Variants in ARL15 observed in about 807,000 individuals in gnomAD.
ARL15 encodes ARF like GTPase 15.
In ARL15, 19 loss-of-function variants were observed where a neutral mutation model predicts 25.2. The ratio of observed to expected loss-of-function variants is 0.75; its 90% CI spans 0.53 to 1.10. The LOEUF (loss-of-function observed/expected upper bound fraction) is 1.10, where lower values mean the gene tolerates loss of function less well. ARL15 is among the 50% of genes least tolerant of loss of function. ARL15 has a pLI of 0.00. For synonymous variants in ARL15, 94 were observed against 86.8 expected, an observed-to-expected ratio of 1.08 and a Z score of -0.46; for missense variants, 220 against 246.0, an observed-to-expected ratio of 0.89 and a Z score of 0.71.
At chr5:54,249,680 A>G (rs1757189821) in intron 1 of ARL15, among the ~76,000 whole-genome samples, 1 of 152,022 alleles carries the variant, frequency 6.6e-6, no homozygotes, top group African/African-American at 2.4e-5. Flanking sequence ...AGCAAAAAAA[A>G]AAAAAAAAAA....
chr5:53,925,527 G>A (rs984174133), intron 4 of ARL15, among the ~76,000 whole-genome samples: 4 of 152,194 alleles, frequency 2.6e-5, no homozygotes, highest in African/African-American at 9.6e-5. Context: ...TTGGGGCAGG[G>A]CACAGTGGCT....
At chr5:54,073,892 T>A (rs567985114) in intron 4 of ARL15, among the ~76,000 whole-genome samples, 2 of 152,306 alleles carry the variant, frequency 1.3e-5, no homozygotes, top group African/African-American at 4.8e-5. Context: ...TGCTTCCTAG[T>A]TTTTCTAGCA....
intron 1 of ARL15, among the ~76,000 whole-genome samples, chr5:54,281,570 T>C (rs1758064396): frequency 1.3e-5 from 2 of 152,212 alleles, no homozygotes; most frequent in South Asian, 2.1e-4. Flanking sequence ...ACCCATAAGA[T>C]GACAGTAGCA....
At chr5:54,114,552 A>G (rs1169928603) in intron 3 of ARL15, among the ~76,000 whole-genome samples, 1 of 152,134 alleles carries the variant, frequency 6.6e-6, no homozygotes, top group Admixed American at 6.6e-5. Flanking sequence ...GGAATGAGGG[A>G]GTAAAATTAT....
At chr5:54,270,995 A>G (rs1757770840) in intron 1 of ARL15, among the ~76,000 whole-genome samples, 1 of 152,176 alleles carries the variant, frequency 6.6e-6, no homozygotes. Flanking sequence ...CAGGATCTGG[A>G]ATACACTCAT....
intron 3 of ARL15, among the ~76,000 whole-genome samples, chr5:54,144,200 AAT>A (rs1392440245): frequency 6.6e-6 from 1 of 151,344 alleles, no homozygotes; most frequent in East Asian, 1.9e-4. Context: ...ATTACATCTA[AAT>A]ATTTTTTTTT....
chr5:54,297,636 G>A (rs1307171398), intron 1 of ARL15, among the ~76,000 whole-genome samples: 1 of 152,116 alleles, frequency 6.6e-6, no homozygotes, highest in Non-Finnish European at 1.5e-5. Flanking sequence ...CCTCCCCTTG[G>A]AGAGTCTACC....
chr5:53,917,208 G>A (rs1209701233), intron 4 of ARL15, among the ~76,000 whole-genome samples: 2 of 152,170 alleles, frequency 1.3e-5, no homozygotes, highest in Non-Finnish European at 2.9e-5. Context: ...TTATTTGAGA[G>A]CTGCAACTCA....
chr5:54,302,138 G>C (rs1758630458), intron 1 of ARL15, among the ~76,000 whole-genome samples: 1 of 152,164 alleles, frequency 6.6e-6, no homozygotes, highest in Admixed American at 6.5e-5. Context: ...AGTTCCCAGA[G>C]GGCCTCTCAC....
intron 4 of ARL15, among the ~76,000 whole-genome samples, chr5:54,001,104 T>C (rs1748837689): frequency 6.6e-6 from 1 of 152,210 alleles, no homozygotes; most frequent in African/African-American, 2.4e-5. Flanking sequence ...CTTTGAACAA[T>C]GGAATTTTTG....
chr5:54,128,394 A>T (rs563136406), intron 3 of ARL15, among the ~76,000 whole-genome samples: 4 of 152,176 alleles, frequency 2.6e-5, no homozygotes, highest in African/African-American at 9.7e-5. Flanking sequence ...TGGATATTTT[A>T]GGTAGCTAAT....
intron 4 of ARL15, among the ~76,000 whole-genome samples, chr5:53,933,272 G>A (rs1746250687): frequency 6.6e-6 from 1 of 152,102 alleles, no homozygotes; most frequent in South Asian, 2.1e-4. Flanking sequence ...AAAAGACATA[G>A]GATATAGGGA....
At chr5:54,040,221 G>T (rs1750294363) in intron 4 of ARL15, among the ~76,000 whole-genome samples, 2 of 152,164 alleles carry the variant, frequency 1.3e-5, no homozygotes, top group African/African-American at 4.8e-5. Flanking sequence ...ACAGCATTAT[G>T]CAGATATTAA....
rs1752789850 is a variant in ARL15, at chr5:54,113,145, G to A, written c.462+57C>T. ...TACATGCATTTTTCCAGGTTCCAAC[G>A]TGGCAGCAAAAGTACAAGCAAGGAA... On this transcript the variant is annotated intron_variant, in intron 4 of 4. Transcript: ENST00000504924. The A allele has an allele frequency of 3.9e-6, 6 of 1,554,780 alleles. No homozygotes were observed. The African/African-American group carries it at 4.1e-5, about 11-fold the overall frequency.
Position 54,171,896 on chromosome 5 carries a change from T to C in ARL15, c.81A>G (p.Pro27=), listed in dbSNP as rs545461964. The C allele has an allele frequency of 2.5e-6, 4 of 1,613,416 alleles. No individual in the cohort carries two copies. The highest frequency in any genetic ancestry group is 3.3e-5 in the Admixed American group (2 of 59,980). The stretch of plus-strand genomic sequence containing the variant: ...CCAGGTCATATTCTGGTCGTGCAGG[T>C]GGTGGTCCCTTGCAGCAAAGTGCTC... ...CFRALCCKGP[P]PARPEYDLVC... The change falls in exon 2 of 5, where the codon CCA becomes CCG. Residue 27 remains proline, a synonymous_variant. Transcript: ENST00000504924.
At chr5:54,003,854 T>C (rs1483306747) in intron 4 of ARL15, among the ~76,000 whole-genome samples, 2 of 152,118 alleles carry the variant, frequency 1.3e-5, no homozygotes, top group African/African-American at 4.8e-5. Context: ...CATAAAAAAC[T>C]GTTAGAAACA....
chr5:54,019,938 C>T (rs1293368610), intron 4 of ARL15, among the ~76,000 whole-genome samples: 1 of 152,184 alleles, frequency 6.6e-6, no homozygotes, highest in Non-Finnish European at 1.5e-5. Flanking sequence ...TTCTCTTCTT[C>T]TCACATCTGA....
intron 4 of ARL15, among the ~76,000 whole-genome samples, chr5:54,042,818 G>C (rs1176594072): frequency 6.6e-6 from 1 of 152,006 alleles, no homozygotes; most frequent in Non-Finnish European, 1.5e-5. Context: ...GTGGGGGTGG[G>C]GTGTAACACG....
chr5:54,154,362 T>C, intron 3 of ARL15: 1 of 411,502 alleles, frequency 2.4e-6, no homozygotes. Context: ...AATTCTTTGA[T>C]TCATTCAAAA....
Sources: gnomAD v4.1 joint callset for allele counts (sites outside exome capture counted in the v4.1 genomes callset) on GRCh38, gnomAD v4.1.1 for gene constraint, MANE v1.5 for transcripts, NCBI Gene and HGNC (gene_info 2026-07-23, HGNC 2026-07-21) for gene names.